Variants in TMEM87A observed in about 807,000 individuals in gnomAD.
TMEM87A encodes transmembrane protein 87A.
TMEM87A carries 50 observed loss-of-function variants against 90.0 expected under a neutral mutation model. That is an observed-to-expected ratio of 0.56 (90% CI 0.44 to 0.70). TMEM87A has a LOEUF of 0.70. Ranked by LOEUF, TMEM87A falls within the 30% of genes least tolerant of loss-of-function variation. TMEM87A has a pLI of 0.00. For synonymous variants in TMEM87A, 226 were observed against 226.7 expected (o/e 1.00, Z 0.03); for missense variants, 577 against 660.5 (o/e 0.87, Z 1.39).
intron 8 of TMEM87A, among the ~76,000 whole-genome samples, chr15:42,237,957 A>G (rs1380611319): frequency 6.6e-6 from 1 of 152,162 alleles, no homozygotes; most frequent in Non-Finnish European, 1.5e-5. Context: ...AGAAGACTAC[A>G]TATGAACTTG....
At chr15:42,252,304 T>C (rs1016611175) in intron 6 of TMEM87A, among the ~76,000 whole-genome samples, 4 of 152,196 alleles carry the variant, frequency 2.6e-5, no homozygotes, top group African/African-American at 9.7e-5. Flanking sequence ...CAGTTGGAAA[T>C]GCAGAAATCA....
At chr15:42,233,096 C>A in intron 11 of TMEM87A, 117 bp downstream of exon 11, 4 of 766,814 alleles carry the variant, frequency 5.2e-6, no homozygotes, top group Admixed American at 2.8e-5. Context: ...AAAATCAGAG[C>A]CCAAAAGTGA....
intron 6 of TMEM87A, among the ~76,000 whole-genome samples, chr15:42,259,826 G>A (rs979415858): frequency 6.6e-6 from 1 of 152,202 alleles, no homozygotes; most frequent in Non-Finnish European, 1.5e-5. Context: ...TTGAGACAGA[G>A]TGTAAACTGT....
intron 12 of TMEM87A, among the ~76,000 whole-genome samples, chr15:42,230,110 A>G (rs963358387): frequency 6.6e-6 from 1 of 152,216 alleles, no homozygotes; most frequent in Non-Finnish European, 1.5e-5. Context: ...TACAGGCATG[A>G]GCCACTGCAC....
chr15:42,233,246 G>A lies in TMEM87A; in HGVS notation c.1029C>T (p.Phe343=), dbSNP rs2050716232. The A allele has an allele frequency of 1.9e-6, 3 of 1,613,864 alleles. No individual in the cohort carries two copies. Among genetic ancestry groups the A allele is most frequent in the African/African-American group, 1.3e-5 (1 of 74,876 alleles). Residue 343 remains phenylalanine (F), a synonymous_variant, in exon 11 of 20, where the codon TTC becomes TTT. Transcript: ENST00000389834. ...VVVAGALYLL[F]SGMEGVLRVT... ...CTCTGAGGACCCCTTCCATGCCAGA[G>A]AACAAAAGATAGAGGGCTCCTGCTA... is the stretch of plus-strand genomic sequence containing the variant.
Position 42,264,153 on chromosome 15 carries a change from C to T in TMEM87A, c.342G>A (p.Leu114=), listed in dbSNP as rs755936960. The T allele has an allele frequency of 2.5e-6, 4 of 1,613,246 alleles. No homozygotes were observed. In the Admixed American group the frequency reaches 6.7e-5, roughly 27 times the overall value. ...YLEKLKEKRG[L]SGKYQTSSKL... ...TTGATGATGTTTGATATTTCCCAGA[C>T]AAGCCTCTTTTTTCCTTAAGTTTTT... is the stretch of plus-strand genomic sequence containing the variant. Residue 114 remains leucine, a synonymous_variant, in exon 4 of 20, where the codon TTG becomes TTA. Coordinates refer to ENST00000389834, the MANE Select transcript of TMEM87A (RefSeq NM_015497.5).
chr15:42,266,733 T>C (rs2051413693), intron 3 of TMEM87A, among the ~76,000 whole-genome samples: 1 of 152,152 alleles, frequency 6.6e-6, no homozygotes, highest in Non-Finnish European at 1.5e-5. Flanking sequence ...GTAAAAATTA[T>C]TAATGTTATT....
At chr15:42,256,907 G>A (rs1458727244) in intron 6 of TMEM87A, among the ~76,000 whole-genome samples, 2 of 152,030 alleles carry the variant, frequency 1.3e-5, no homozygotes, top group African/African-American at 2.4e-5. Flanking sequence ...TTGTAGAGAC[G>A]AGGTTTCACC....
At chr15:42,226,576 T>C (rs1052550960) in intron 15 of TMEM87A, 22 of 448,098 alleles carry the variant, frequency 4.9e-5, no homozygotes, top group Non-Finnish European at 8.0e-5. Flanking sequence ...CTGGGTTTAA[T>C]TCCCCCTCAG....
At chr15:42,271,796 A>G (rs554534991) in intron 2 of TMEM87A, among the ~76,000 whole-genome samples, 5 of 151,050 alleles carry the variant, frequency 3.3e-5, no homozygotes, top group African/African-American at 9.7e-5. Flanking sequence ...CAGCATATAT[A>G]TTAATATATA....
At chr15:42,231,745 T>G (rs1019177803) in intron 11 of TMEM87A, 6 of 335,894 alleles carry the variant, frequency 1.8e-5, no homozygotes, top group Non-Finnish European at 2.7e-5. Flanking sequence ...GGCAATTATC[T>G]GTCTGAAAAA....
intron 2 of TMEM87A, among the ~76,000 whole-genome samples, chr15:42,270,514 T>TC (rs2051499948): frequency 1.3e-5 from 2 of 152,178 alleles, no homozygotes; most frequent in Non-Finnish European, 2.9e-5. Context: ...GAGAATCGCT[T>TC]GAACCTGGGA....
chr15:42,248,811 G>A (rs1447132886), intron 6 of TMEM87A, among the ~76,000 whole-genome samples: 1 of 152,140 alleles, frequency 6.6e-6, no homozygotes, highest in Non-Finnish European at 1.5e-5. Context: ...AATGAGTTAG[G>A]GAGGATTCCC....
At chr15:42,244,648 T>C (rs2050938324) in intron 6 of TMEM87A, among the ~76,000 whole-genome samples, 1 of 150,548 alleles carries the variant, frequency 6.6e-6, no homozygotes, top group African/African-American at 2.4e-5. Context: ...GCTGACATGG[T>C]CTCACATTTA....
chr15:42,246,893 A>G (rs2050983374), intron 6 of TMEM87A, among the ~76,000 whole-genome samples: 1 of 152,210 alleles, frequency 6.6e-6, no homozygotes, highest in Admixed American at 6.5e-5. Flanking sequence ...TGGCTGAACT[A>G]GTTTACACCC....
intron 6 of TMEM87A, chr15:42,257,833 AT>A: frequency 1.2e-6 from 1 of 830,740 alleles, no homozygotes; most frequent in Non-Finnish European, 1.5e-6. Flanking sequence ...CAATGTACCA[AT>A]TTGGTAATAA....
intron 6 of TMEM87A, among the ~76,000 whole-genome samples, chr15:42,245,520 C>CCT (rs2050955215): frequency 8.4e-6 from 1 of 118,432 alleles, no homozygotes; most frequent in South Asian, 2.8e-4. Flanking sequence ...ACATTTATTA[C>CCT]TTTTTTTTTT....
At chr15:42,247,985 T>C (rs1477344467) in intron 6 of TMEM87A, among the ~76,000 whole-genome samples, 1 of 152,220 alleles carries the variant, frequency 6.6e-6, no homozygotes, top group Non-Finnish European at 1.5e-5. Flanking sequence ...GTAGTTCTCC[T>C]TGAAGAGGTT....
intron 10 of TMEM87A, among the ~76,000 whole-genome samples, chr15:42,234,038 T>G (rs968160237): frequency 4.6e-5 from 7 of 151,570 alleles, no homozygotes; most frequent in African/African-American, 1.5e-4. Context: ...TGCATTGGCC[T>G]CCCCAAGGGC....
Sources: gnomAD v4.1 joint callset for allele counts (sites outside exome capture counted in the v4.1 genomes callset) on GRCh38, gnomAD v4.1.1 for gene constraint, MANE v1.5 for transcripts, NCBI Gene and HGNC (gene_info 2026-07-23, HGNC 2026-07-21) for gene names.